Variants in POFUT2 observed in about 807,000 individuals in gnomAD.
POFUT2 encodes GDP-fucose protein O-fucosyltransferase 2.
A neutral mutation model predicts 55.0 loss-of-function variants in POFUT2; 30 were observed. The ratio of observed to expected loss-of-function variants is 0.55; its 90% CI spans 0.41 to 0.74. The LOEUF (loss-of-function observed/expected upper bound fraction) is 0.74. Among genes scored for constraint, POFUT2 ranks in the 30% least tolerant of loss-of-function variants. The probability of loss-of-function intolerance (pLI) is 0.00; values close to 1 mark genes in which losing one functional copy is unlikely to be tolerated. For synonymous variants in POFUT2, 267 were observed against 231.1 expected, an observed-to-expected ratio of 1.16 and a Z score of -1.41; for missense variants, 524 against 562.6, an observed-to-expected ratio of 0.93 and a Z score of 0.69.
At chr21:45,286,960 C>T (rs1371279174) in intron 1 of POFUT2, among the ~76,000 whole-genome samples, 1 of 152,176 alleles carries the variant, frequency 6.6e-6, no homozygotes, top group Admixed American at 6.5e-5. Context: ...ACTCCCGGCT[C>T]CGCACACCCA....
Position 45,265,778 on chromosome 21 carries a change from C to T in POFUT2, c.1137-143G>A, listed in dbSNP as rs115382616. 2,748 of 1,434,516 alleles carry T rather than the reference C, an allele frequency of 1.9e-3. 34 individuals carry two copies. The African/African-American group carries it at 0.033, about 17-fold the overall frequency. 88.9% of individuals were successfully genotyped at this position (1,434,516 alleles called of 1,614,324 possible). On this transcript the variant is annotated intron_variant, in intron 8 of 8. Coordinates refer to ENST00000349485, the MANE Select transcript of POFUT2 (RefSeq NM_133635.6). The surrounding 1 kb of genome is among the most constrained non-coding windows in gnomAD (Gnocchi z 4.6). ...AACACGGCCGTCCCCCGAGCACCCA[C>T]CAGCCGGCCGCCCCCTTGCTGGCAC...
At chr21:45,269,187 C>G (rs1194394505) in intron 7 of POFUT2, among the ~76,000 whole-genome samples, 2 of 150,626 alleles carry the variant, frequency 1.3e-5, no homozygotes, top group African/African-American at 2.4e-5. Context: ...CCCCGCCCGG[C>G]CAGCCGCCCC....
Position 45,284,929 on chromosome 21 carries a change from ACATTTCAGAGTG to A in POFUT2, c.382+737_382+748del. 6.6e-6 allele frequency among the ~76,000 whole-genome samples: 1 copy of A among 152,274 alleles called. No homozygotes were observed. On this transcript the variant is annotated intron_variant, in intron 2 of 8. Coordinates refer to ENST00000349485, the MANE Select transcript of POFUT2 (RefSeq NM_133635.6). This position sits in a 1 kb window ranked among gnomAD's most constrained non-coding sequence, Gnocchi z 5.8. ...CACAAGACTGACCTTGACACAGAAA[ACATTTCAGAGTG>A]ACAAGATCTAGGGTGCAACGAGAAC...
rs923600986 is a variant in POFUT2, at chr21:45,283,200, C to T, written c.527+183G>A. Among the ~76,000 whole-genome samples, 6 of 121,106 alleles carry T rather than the reference C, an allele frequency of 5.0e-5. No individual in the cohort carries two copies. In the East Asian group the frequency reaches 8.1e-4, roughly 16 times the overall value. The allele number at this position is 121,106 out of a possible 152,430, so 79.5% of individuals were successfully genotyped here. A position where few individuals can be genotyped will look rare whatever the true frequency, so the allele number is the denominator to read the frequency against. Reference sequence around the variant, plus strand: ...GCACTGCGGGGGAGGCGGTTGCGGCCGGGGGGAGTGGGGGGTGAAGACACC... The same window carrying T: ...GCACTGCGGGGGAGGCGGTTGCGGCTGGGGGGAGTGGGGGGTGAAGACACC... On this transcript the variant is annotated intron_variant, in intron 3 of 8. Coordinates refer to ENST00000349485, the MANE Select transcript of POFUT2 (RefSeq NM_133635.6).
chr21:45,278,716 C>T (rs932859409), intron 4 of POFUT2, among the ~76,000 whole-genome samples: 1 of 152,212 alleles, frequency 6.6e-6, no homozygotes, highest in African/African-American at 2.4e-5. Context: ...CCCAGGAACA[C>T]GGGCACACGA....
rs542203935 is a variant in POFUT2, at chr21:45,285,118, T to C, written c.382+560A>G. Among the ~76,000 whole-genome samples, 2 of 152,290 alleles carry C rather than the reference T, an allele frequency of 1.3e-5. No homozygotes were observed. Among genetic ancestry groups the C allele is most frequent in the South Asian group, 4.1e-4 (2 of 4,822 alleles). ...CTAACTCATTCGTCTTCAAGGCCTC[T>C]CAAGTGCAGCAGCAAAGCATCACTT... On this transcript the variant is annotated intron_variant, in intron 2 of 8. Coordinates refer to ENST00000349485, the MANE Select transcript of POFUT2 (RefSeq NM_133635.6). The surrounding 1 kb of genome is among the most constrained non-coding windows in gnomAD (Gnocchi z 4.9).
Position 45,267,108 on chromosome 21 carries a change from C to T in POFUT2, c.1136+482G>A. The T allele has an allele frequency of 8.7e-7, 1 of 1,147,010 alleles. No individual in the cohort carries two copies. Among genetic ancestry groups the T allele is most frequent in the Non-Finnish European group, 1.1e-6 (1 of 928,872 alleles). The allele number at this position is 1,147,010 out of a possible 1,614,324, so 71.1% of individuals were successfully genotyped here. A position where few individuals can be genotyped will look rare whatever the true frequency, so the allele number is the denominator to read the frequency against. On this transcript the variant is annotated intron_variant, in intron 8 of 8. Transcript: ENST00000349485. This position sits in a 1 kb window ranked among gnomAD's most constrained non-coding sequence, Gnocchi z 4.4. ...CTCACGGCAGCCCCACAAGAACGAT[C>T]ACACGAGGGCCCATGCTCCCAGCCT... is the stretch of plus-strand genomic sequence containing the variant.
chr21:45,276,246 A>T (rs750921632), intron 6 of POFUT2, among the ~76,000 whole-genome samples: 2 of 69,520 alleles, frequency 2.9e-5, no homozygotes, highest in Non-Finnish European at 6.1e-5. Context: ...TAAAAAGAAT[A>T]AAAAAAAAAC....
At chr21:45,280,196 C>T (rs1160112203) in intron 4 of POFUT2, among the ~76,000 whole-genome samples, 2 of 152,278 alleles carry the variant, frequency 1.3e-5, no homozygotes, top group Non-Finnish European at 2.9e-5. Flanking sequence ...CTGCCCCGTC[C>T]TCAGGGGCCT....
In POFUT2 at chr21:45,277,306, G is replaced by T; in HGVS notation, c.706-164C>A. On this transcript the variant is annotated intron_variant, in intron 5 of 8. Transcript: ENST00000349485. This position sits in a 1 kb window ranked among gnomAD's most constrained non-coding sequence, Gnocchi z 6.9. ...AGAAGCAGCGCCATCCACGGTGGAG[G>T]CTCTTGGAGGGTCTCCTGCATGAAG... 1 of 894,512 alleles carries T rather than the reference G, an allele frequency of 1.1e-6. No homozygotes were observed. Among genetic ancestry groups the T allele is most frequent in the Non-Finnish European group, 1.6e-6 (1 of 609,262 alleles). 55.4% of individuals were successfully genotyped at this position (894,512 alleles called of 1,614,324 possible). A position where few individuals can be genotyped will look rare whatever the true frequency, so the allele number is the denominator to read the frequency against.
intron 6 of POFUT2, among the ~76,000 whole-genome samples, chr21:45,274,365 A>G (rs1320594759): frequency 1.3e-5 from 2 of 152,276 alleles, no homozygotes; most frequent in African/African-American, 2.4e-5. Flanking sequence ...GGTAGAATCA[A>G]TATTGTGAAA....
intron 6 of POFUT2, among the ~76,000 whole-genome samples, chr21:45,276,143 C>G (rs761915028): frequency 2.6e-5 from 4 of 151,908 alleles, no homozygotes; most frequent in Non-Finnish European, 5.9e-5. Context: ...GAGCTGAGAT[C>G]GTGTCACTGC....
At position 45,287,841 on chromosome 21, in the gene POFUT2, G is replaced by C; in HGVS notation, c.31C>G (p.Leu11Val). The change falls in exon 1 of 9, where the codon CTG becomes GTG. Residue 11 changes from leucine (L) to valine (V), a missense_variant. Physicochemically the swap from Leu to Val is conservative, Grantham distance 32 (BLOSUM62 1). This residue lies in a region of POFUT2 where 274 missense variants were observed against 244.4 expected (regional missense o/e 1.12). Coordinates refer to ENST00000349485, the MANE Select transcript of POFUT2 (RefSeq NM_133635.6). MATLSFVFLL[L>V]GAVSWPPASA... The stretch of plus-strand genomic sequence containing the variant: ...GCCGGAGGCCAGGACACTGCCCCCA[G>C]CAGCAGGAAGACGAAGCTGAGTGTC... The C allele has an allele frequency of 6.9e-7, 1 of 1,444,648 alleles. No homozygotes were observed. Among genetic ancestry groups the C allele is most frequent in the Non-Finnish European group, 9.2e-7 (1 of 1,091,020 alleles). The allele number at this position is 1,444,648 out of a possible 1,614,324, so 89.5% of individuals were successfully genotyped here.
At position 45,270,686 on chromosome 21, in the gene POFUT2, C is replaced by A. The variant is rs1356315697; in HGVS notation, c.832-667G>T. ...ACCTCCAGCAGAGCAGGTGCTGGAA[C>A]CCATGGCTGGGAGACCCGAAGACGG... On this transcript the variant is annotated intron_variant, in intron 6 of 8. Coordinates refer to ENST00000349485, the MANE Select transcript of POFUT2 (RefSeq NM_133635.6). The surrounding 1 kb of genome is among the most constrained non-coding windows in gnomAD (Gnocchi z 4.6). Among the ~76,000 whole-genome samples the A allele has an allele frequency of 6.6e-6, 1 of 152,228 alleles. No homozygotes were observed. The highest frequency in any genetic ancestry group is 1.9e-4 in the East Asian group (1 of 5,194).
chr21:45,286,817 C>A (rs73236082), intron 1 of POFUT2, among the ~76,000 whole-genome samples: 118 of 152,346 alleles, frequency 7.7e-4, no homozygotes, highest in African/African-American at 2.8e-3. Flanking sequence ...GGCCTGCGAA[C>A]GCCACGAGGG....
chr21:45,268,860 T>TG lies in POFUT2; in HGVS notation c.1012+978dup, dbSNP rs1420617670. Reference sequence around the variant, plus strand: ...CCAGCCGCCCCGTCCGGGAGGGAGGTGGGGGGGTCAGCACCCCGGGCGGCC... The same window carrying TG: ...CCAGCCGCCCCGTCCGGGAGGGAGGTGGGGGGGGTCAGCACCCCGGGCGGCC... On this transcript the variant is annotated intron_variant, in intron 7 of 8. Transcript: ENST00000349485. 4.6e-5 allele frequency among the ~76,000 whole-genome samples: 3 copies of TG among 65,128 alleles called. 1 individual carries two copies. The highest frequency in any genetic ancestry group is 6.4e-5 in the African/African-American group (1 of 15,630). The allele number at this position is 65,128 out of a possible 152,430, so 42.7% of individuals were successfully genotyped here.
At chr21:45,269,526 C>G (rs1340184042) in intron 7 of POFUT2, among the ~76,000 whole-genome samples, 1 of 152,128 alleles carries the variant, frequency 6.6e-6, no homozygotes, top group African/African-American at 2.4e-5. Context: ...GCTGTGTCCA[C>G]TCAGGGTTAA....
Position 45,282,266 on chromosome 21 carries a change from A to AT in POFUT2, c.638+82dup. The stretch of plus-strand genomic sequence containing the variant: ...GTGGGTGGGCCAGGGATGCGGGAGT[A>AT]TGGGCGGAGAGCCCCCAGCCCAGCA... On this transcript the variant is annotated intron_variant, in intron 4 of 8. Transcript: ENST00000349485. The surrounding 1 kb of genome is among the most constrained non-coding windows in gnomAD (Gnocchi z 4.6). The AT allele has an allele frequency of 1.1e-6, 1 of 893,780 alleles. No individual in the cohort carries two copies. Among genetic ancestry groups the AT allele is most frequent in the Non-Finnish European group, 1.8e-6 (1 of 549,408 alleles). 55.4% of individuals were successfully genotyped at this position (893,780 alleles called of 1,614,324 possible).
In POFUT2 at chr21:45,285,989, G is replaced by T; in HGVS notation, c.132-61C>A. 5 of 1,495,528 alleles carry T rather than the reference G, an allele frequency of 3.3e-6. No individual in the cohort carries two copies. In the South Asian group the frequency reaches 5.0e-5, roughly 15 times the overall value. 92.6% of individuals were successfully genotyped at this position (1,495,528 alleles called of 1,614,324 possible). A position where few individuals can be genotyped will look rare whatever the true frequency, so the allele number is the denominator to read the frequency against. On this transcript the variant is annotated intron_variant, in intron 1 of 8. Coordinates refer to ENST00000349485, the MANE Select transcript of POFUT2 (RefSeq NM_133635.6). This position sits in a 1 kb window ranked among gnomAD's most constrained non-coding sequence, Gnocchi z 4.9. Reference sequence around the variant, plus strand: ...GCTGAGGTTTCTGCACGGAAAACCCGACTGCTCACAAGTCTCAGCGCGTGG... The same window carrying T: ...GCTGAGGTTTCTGCACGGAAAACCCTACTGCTCACAAGTCTCAGCGCGTGG...
Sources: allele counts gnomAD v4.1 joint callset (sites outside exome capture counted in the v4.1 genomes callset), GRCh38; gene constraint gnomAD v4.1.1; regional missense constraint gnomAD v4.1.1; non-coding constraint Gnocchi (gnomAD v3.1); transcripts MANE v1.5; gene names NCBI Gene and HGNC (gene_info 2026-07-23, HGNC 2026-07-21).